Variants in UGT1A8 observed in about 807,000 individuals in gnomAD.
UGT1A8 encodes the protein UDP glucuronosyltransferase family 1 member A8, also known as UDP-glucuronosyltransferase 1A8.
A neutral mutation model predicts 45.3 loss-of-function variants in UGT1A8; 39 were observed. That is an observed-to-expected ratio of 0.86 (90% CI 0.67 to 1.12). The LOEUF (loss-of-function observed/expected upper bound fraction) is 1.12. UGT1A8 is among the 50% of genes most tolerant of loss of function. UGT1A8 has a pLI of 0.00. For missense variants in UGT1A8, 719 were observed against 664.9 expected (o/e 1.08, Z -0.90); for synonymous variants, 275 against 249.2 (o/e 1.10, Z -0.97).
chr2:233,634,089 G>T (rs2073236595), intron 1 of UGT1A8, among the ~76,000 whole-genome samples: 1 of 152,154 alleles, frequency 6.6e-6, no homozygotes, highest in Non-Finnish European at 1.5e-5. Context: ...GCATGAGCAG[G>T]TTGTTCAGTT....
At chr2:233,659,010 A>G (rs781075805) in intron 1 of UGT1A8, among the ~76,000 whole-genome samples, 29 of 152,208 alleles carry the variant, frequency 1.9e-4, no homozygotes, top group Non-Finnish European at 7.3e-5. Context: ...TTGAAATCAT[A>G]TTTAAGTTAC....
intron 1 of UGT1A8, among the ~76,000 whole-genome samples, chr2:233,665,278 T>G (rs1219252271): frequency 6.6e-6 from 1 of 152,240 alleles, no homozygotes; most frequent in East Asian, 1.9e-4. Context: ...TTAATATTGA[T>G]ATAGATTTAG....
intron 1 of UGT1A8, among the ~76,000 whole-genome samples, chr2:233,718,520 C>T (rs1396041935): frequency 2.0e-5 from 3 of 152,154 alleles, no homozygotes; most frequent in Non-Finnish European, 2.9e-5. Context: ...AAATGGGTGT[C>T]CACAGCCTTG....
At chr2:233,665,751 T>A (rs1332581449) in intron 1 of UGT1A8, among the ~76,000 whole-genome samples, 2 of 152,190 alleles carry the variant, frequency 1.3e-5, no homozygotes, top group Non-Finnish European at 1.5e-5. Context: ...ACAGAAAATT[T>A]AAAAATACAC....
At chr2:233,746,322 CTA>C (rs780402376) in intron 1 of UGT1A8, among the ~76,000 whole-genome samples, 9 of 151,756 alleles carry the variant, frequency 5.9e-5, no homozygotes, top group Non-Finnish European at 1.0e-4. Flanking sequence ...TGTAGATGAT[CTA>C]CAGGGCAATG....
intron 1 of UGT1A8, among the ~76,000 whole-genome samples, chr2:233,705,617 C>T (rs2075860928): frequency 6.6e-6 from 1 of 152,152 alleles, no homozygotes; most frequent in South Asian, 2.1e-4. Context: ...AGAGAAGAAA[C>T]TGAGTTGACA....
chr2:233,682,569 T>A, intron 1 of UGT1A8: 1 of 1,613,968 alleles, frequency 6.2e-7, no homozygotes, highest in South Asian at 1.1e-5. Flanking sequence ...TGGAACCACA[T>A]CATGCACTTG....
At chr2:233,664,506 G>A (rs147636660) in intron 1 of UGT1A8, among the ~76,000 whole-genome samples, 6 of 152,288 alleles carry the variant, frequency 3.9e-5, no homozygotes, top group African/African-American at 1.4e-4. Context: ...GGCTGTACAA[G>A]CATGGCGCTG....
intron 1 of UGT1A8, among the ~76,000 whole-genome samples, chr2:233,634,177 T>C (rs2073238026): frequency 6.6e-6 from 1 of 152,214 alleles, no homozygotes; most frequent in Non-Finnish European, 1.5e-5. Flanking sequence ...TAAGAGACTG[T>C]TTGTTATGAT....
intron 1 of UGT1A8, among the ~76,000 whole-genome samples, chr2:233,745,770 A>C (rs1250440901): frequency 1.3e-5 from 2 of 148,808 alleles, no homozygotes. Flanking sequence ...GAGAGGAGGA[A>C]TGAGCTTAGA....
At position 233,682,276 on chromosome 2, in the gene UGT1A8, C is replaced by T. The variant is rs149528133; in HGVS notation, c.855+63714C>T. ...CATTTTCTCTATTAACAAGTTCATC[C>T]AATGGTATTTTTGACTTATTTTTTT... On this transcript the variant is annotated intron_variant, in intron 1 of 4. Transcript: ENST00000373450. 6.4e-5 allele frequency: 104 copies of T among 1,614,166 alleles called. No homozygotes were observed. The African/African-American group carries it at 1.1e-3, about 17-fold the overall frequency.
rs575244143 is a variant in UGT1A8, at chr2:233,730,709, C to T, written c.856-36325C>T. Among the ~76,000 whole-genome samples, 89 of 152,156 alleles carry T rather than the reference C, an allele frequency of 5.8e-4. 1 individual carries two copies. The highest frequency in any genetic ancestry group is 6.8e-3 in the Middle Eastern group (2 of 294). ...TCAAATGATTCTTCTACTTGGAATG[C>T]TGAAATTATCAAGAAATGGCGGAAG... On this transcript the variant is annotated intron_variant, in intron 1 of 4. Coordinates refer to ENST00000373450, the MANE Select transcript of UGT1A8 (RefSeq NM_019076.5).
Position 233,736,651 on chromosome 2 carries a change from G to A in UGT1A8, c.856-30383G>A, listed in dbSNP as rs2078789354. Reference sequence around the variant, plus strand: ...GCTCTAGTTTCCCCCCATCTTTGTGGTTTTATGTACCTTAGGTCTTTGATG... The same window carrying A: ...GCTCTAGTTTCCCCCCATCTTTGTGATTTTATGTACCTTAGGTCTTTGATG... On this transcript the variant is annotated intron_variant, in intron 1 of 4. Transcript: ENST00000373450. Among the ~76,000 whole-genome samples the A allele has an allele frequency of 2.0e-5, 3 of 152,328 alleles. No individual in the cohort carries two copies. The South Asian group carries it at 6.2e-4, about 32-fold the overall frequency.
At chr2:233,625,026 G>C (rs923773138) in intron 1 of UGT1A8, among the ~76,000 whole-genome samples, 1 of 151,972 alleles carries the variant, frequency 6.6e-6, no homozygotes, top group Non-Finnish European at 1.5e-5. Context: ...TTTGATTCTC[G>C]AAAAACATAA....
Position 233,692,853 on chromosome 2 carries a change from G to T in UGT1A8, c.856-74181G>T, listed in dbSNP as rs571561782. 67 of 1,463,022 alleles carry T rather than the reference G, an allele frequency of 4.6e-5. 1 individual carries two copies. In the African/African-American group the frequency reaches 8.5e-4, roughly 19 times the overall value. 90.6% of individuals were successfully genotyped at this position (1,463,022 alleles called of 1,614,324 possible). On this transcript the variant is annotated intron_variant, in intron 1 of 4. Coordinates refer to ENST00000373450, the MANE Select transcript of UGT1A8 (RefSeq NM_019076.5). Reference sequence around the variant, plus strand: ...TTAAAATGGTTAAATATTAATTTGGGTTCTTACATATCAAAGGGTAAAATT... The same window carrying T: ...TTAAAATGGTTAAATATTAATTTGGTTTCTTACATATCAAAGGGTAAAATT...
At chr2:233,767,618 CA>C (rs1300150978) in intron 2 of UGT1A8, among the ~76,000 whole-genome samples, 2 of 152,178 alleles carry the variant, frequency 1.3e-5, no homozygotes, top group Non-Finnish European at 2.9e-5. Flanking sequence ...CCTAAGTGCA[CA>C]GCTTGATAAA....
In UGT1A8 at chr2:233,625,348, C is replaced by T. The variant is rs1483539742; in HGVS notation, c.855+6786C>T. Among the ~76,000 whole-genome samples the T allele has an allele frequency of 4.6e-5, 7 of 151,896 alleles. No individual in the cohort carries two copies. In the South Asian group the frequency reaches 1.0e-3, roughly 23 times the overall value. The stretch of plus-strand genomic sequence containing the variant: ...ACTTGTACACTGTTGGTGGTGGGAA[C>T]GCAAATTAGATCATCCCCTGTGGGA... On this transcript the variant is annotated intron_variant, in intron 1 of 4. Coordinates refer to ENST00000373450, the MANE Select transcript of UGT1A8 (RefSeq NM_019076.5).
At chr2:233,661,628 T>TTTCC (rs1205342126) in intron 1 of UGT1A8, among the ~76,000 whole-genome samples, 29 of 105,762 alleles carry the variant, frequency 2.7e-4, no homozygotes, top group African/African-American at 7.9e-4. Flanking sequence ...CTGAATTTTC[T>TTTCC]TTCTTTCTTT....
chr2:233,753,153 C>A (rs1198607979), intron 1 of UGT1A8: 1 of 152,212 alleles, frequency 6.6e-6, no homozygotes, highest in Non-Finnish European at 1.5e-5. Context: ...CATGTAAGTT[C>A]CCTTATCCGG....
Sources: gnomAD v4.1 joint callset for allele counts (sites outside exome capture counted in the v4.1 genomes callset) on GRCh38, gnomAD v4.1.1 for gene constraint, MANE v1.5 for transcripts, NCBI Gene and HGNC (gene_info 2026-07-23, HGNC 2026-07-21) for gene names.